The following ATRNL1 variants were observed in gnomAD, a reference collection of about 807,000 sequenced individuals.
ATRNL1 encodes the protein attractin-like protein 1.
ATRNL1 carries 95 observed loss-of-function variants against 182.7 expected under a neutral mutation model. The ratio of observed to expected loss-of-function variants is 0.52; its 90% CI spans 0.44 to 0.62. The LOEUF is 0.62. Ranked by LOEUF, ATRNL1 falls within the 20% of genes least tolerant of loss-of-function variation. ATRNL1 has a pLI of 0.00. For synonymous variants in ATRNL1, 576 were observed against 568.3 expected (o/e 1.01, Z -0.19); for missense variants, 1,471 against 1,679.5 (o/e 0.88, Z 2.17).
At chr10:115,876,272 A>G (rs1281063219) in intron 28 of ATRNL1, among the ~76,000 whole-genome samples, 2 of 152,176 alleles carry the variant, frequency 1.3e-5, no homozygotes, top group Non-Finnish European at 2.9e-5. Context: ...CATTCTGTAC[A>G]ATGGGGCTAA....
chr10:115,929,684 T>C (rs1055258499), intron 28 of ATRNL1, among the ~76,000 whole-genome samples: 1 of 152,096 alleles, frequency 6.6e-6, no homozygotes, highest in African/African-American at 2.4e-5. Flanking sequence ...GCACCCACTT[T>C]TTAGTTTTTA....
At chr10:115,262,693 G>C (rs1264500745) in intron 10 of ATRNL1, among the ~76,000 whole-genome samples, 7 of 151,816 alleles carry the variant, frequency 4.6e-5, no homozygotes, top group African/African-American at 1.7e-4. Context: ...AAATTATTAA[G>C]AAAAAGACAA....
chr10:115,604,887 A>AT (rs1316334404), intron 26 of ATRNL1, among the ~76,000 whole-genome samples: 1 of 151,694 alleles, frequency 6.6e-6, no homozygotes, highest in African/African-American at 2.4e-5. Context: ...ATTTTGCTTG[A>AT]TTTTTTGTAT....
intron 8 of ATRNL1, among the ~76,000 whole-genome samples, chr10:115,183,867 T>G (rs924796269): frequency 2.0e-5 from 3 of 151,560 alleles, no homozygotes; most frequent in African/African-American, 7.2e-5. Context: ...AATTTACATA[T>G]GTATATGATT....
At chr10:115,560,372 C>A (rs1324867590) in intron 26 of ATRNL1, among the ~76,000 whole-genome samples, 1 of 152,116 alleles carries the variant, frequency 6.6e-6, no homozygotes, top group East Asian at 1.9e-4. Context: ...GAGAGACCCT[C>A]CCCATGATTC....
chr10:115,586,987 C>T (rs1855553030), intron 26 of ATRNL1, among the ~76,000 whole-genome samples: 1 of 140,928 alleles, frequency 7.1e-6, no homozygotes, highest in Non-Finnish European at 1.6e-5. Flanking sequence ...GGACCCTCAG[C>T]TGCAGCTCTG....
At chr10:115,139,590 C>T (rs1400852103) in intron 5 of ATRNL1, among the ~76,000 whole-genome samples, 4 of 152,176 alleles carry the variant, frequency 2.6e-5, no homozygotes, top group East Asian at 1.9e-4. Context: ...GAAAGACCTA[C>T]CCCCATGTTT....
chr10:115,439,333 ATGTAAG>A (rs1389285355), intron 21 of ATRNL1, among the ~76,000 whole-genome samples: 1 of 151,940 alleles, frequency 6.6e-6, no homozygotes, highest in Non-Finnish European at 1.5e-5. Context: ...ATTATTTAAT[ATGTAAG>A]TATACATCAT....
rs375176340 is a variant in ATRNL1, at chr10:115,128,688, A to G, written c.621-639A>G. Among the ~76,000 whole-genome samples the G allele has an allele frequency of 1.3e-3, 191 of 152,164 alleles. 2 individuals are homozygous for G. The South Asian group carries it at 0.024, about 19-fold the overall frequency. On this transcript the variant is annotated intron_variant, in intron 4 of 28. Transcript: ENST00000355044. ...AAAAATACAAAAAAATTAGCCAGGC[A>G]TGGTGGCGGGCGCCTGTAGTCCCAG...
In ATRNL1 at chr10:115,469,297, G is replaced by A. The variant is rs546202939; in HGVS notation, c.3622G>A (p.Val1208Ile). ...TCCTAACATTACATTCTATGTGTAC[G>A]TCAGCAACTTTTCCTGGCCTATTAA... The part of the protein sequence containing the change: ...SNPNITFYVY[V>I]SNFSWPIKIQ... The change falls in exon 24 of 29, where the codon GTC becomes ATC. Residue 1208 changes from valine to isoleucine, a missense_variant. Physicochemically the swap from Val to Ile is conservative, Grantham distance 29. Coordinates refer to ENST00000355044, the MANE Select transcript of ATRNL1 (RefSeq NM_207303.4). The A allele has an allele frequency of 6.2e-5, 95 of 1,530,486 alleles. No individual in the cohort carries two copies. The highest frequency in any genetic ancestry group is 2.8e-4 in the Admixed American group (12 of 43,580). 94.8% of individuals were successfully genotyped at this position (1,530,486 alleles called of 1,614,324 possible). A position where few individuals can be genotyped will look rare whatever the true frequency, so the allele number is the denominator to read the frequency against.
intron 25 of ATRNL1, among the ~76,000 whole-genome samples, chr10:115,526,166 C>T (rs536895750): frequency 6.6e-6 from 1 of 152,218 alleles, no homozygotes; most frequent in South Asian, 2.1e-4. Context: ...ATTCCTATTC[C>T]ATATTTCAGG....
chr10:115,648,095 C>G (rs1389942152), intron 26 of ATRNL1, among the ~76,000 whole-genome samples: 1 of 152,076 alleles, frequency 6.6e-6, no homozygotes, highest in Non-Finnish European at 1.5e-5. Context: ...TGTCAAAGAT[C>G]AGATGGTTGT....
At chr10:115,804,618 C>T (rs782109109) in intron 27 of ATRNL1, among the ~76,000 whole-genome samples, 5 of 152,136 alleles carry the variant, frequency 3.3e-5, no homozygotes, top group Non-Finnish European at 5.9e-5. Flanking sequence ...TTGTTTAAGC[C>T]GCCCAGTTTA....
chr10:115,559,162 G>C (rs1554998250), intron 26 of ATRNL1, among the ~76,000 whole-genome samples: 2 of 152,200 alleles, frequency 1.3e-5, no homozygotes. Flanking sequence ...CATTATTTAA[G>C]AGAGTTATGG....
intron 19 of ATRNL1, among the ~76,000 whole-genome samples, chr10:115,386,332 C>T (rs782459954): frequency 5.9e-5 from 9 of 152,148 alleles, no homozygotes; most frequent in Non-Finnish European, 7.3e-5. Flanking sequence ...TTTGCGGCAG[C>T]GCTCCTTTCA....
chr10:115,399,876 T>C (rs1387048782), intron 20 of ATRNL1, among the ~76,000 whole-genome samples: 1 of 152,012 alleles, frequency 6.6e-6, no homozygotes, highest in East Asian at 1.9e-4. Context: ...GACATAGGCA[T>C]GGACAAATAT....
At chr10:115,678,478 C>T (rs1413067210) in intron 26 of ATRNL1, among the ~76,000 whole-genome samples, 1 of 152,028 alleles carries the variant, frequency 6.6e-6, no homozygotes, top group Non-Finnish European at 1.5e-5. Flanking sequence ...AAAAGTAAAT[C>T]ATCATTACAT....
At chr10:115,652,199 A>AT (rs1205952605) in intron 26 of ATRNL1, among the ~76,000 whole-genome samples, 1 of 151,832 alleles carries the variant, frequency 6.6e-6, no homozygotes, top group Non-Finnish European at 1.5e-5. Context: ...CTATCCAAAC[A>AT]TACCTGCCAG....
intron 21 of ATRNL1, among the ~76,000 whole-genome samples, chr10:115,431,833 AT>A (rs1253153672): frequency 1.3e-5 from 2 of 151,292 alleles, no homozygotes; most frequent in African/African-American, 2.4e-5. Flanking sequence ...TTTTATAGGG[AT>A]TTTTTTCTTT....
Sources: gnomAD v4.1 joint callset for allele counts (sites outside exome capture counted in the v4.1 genomes callset) on GRCh38, gnomAD v4.1.1 for gene constraint, MANE v1.5 for transcripts, NCBI Gene and HGNC (gene_info 2026-07-23, HGNC 2026-07-21) for gene names.